Variants in AFDN observed in about 807,000 individuals in gnomAD.
The protein encoded by AFDN is afadin.
Under a neutral mutation model 216.6 loss-of-function variants are expected in AFDN, and 68 were observed. That is an observed-to-expected ratio of 0.31 (90% CI 0.26 to 0.38). AFDN has a LOEUF of 0.38. Among genes scored for constraint, AFDN ranks in the 10% least tolerant of loss-of-function variants. AFDN has a pLI of 1.00. For synonymous variants in AFDN, 868 were observed against 853.7 expected, an observed-to-expected ratio of 1.02 and a Z score of -0.29; for missense variants, 2,136 against 2,342.0, an observed-to-expected ratio of 0.91 and a Z score of 1.82.
intron 2 of AFDN, among the ~76,000 whole-genome samples, chr6:167,869,130 A>T (rs1364718988): frequency 2.0e-5 from 3 of 151,748 alleles, no homozygotes; most frequent in Non-Finnish European, 4.4e-5. Flanking sequence ...GTGACAGGGC[A>T]CTGTCATATG....
chr6:167,844,317 C>T (rs1003820666), intron 1 of AFDN, among the ~76,000 whole-genome samples: 1 of 151,882 alleles, frequency 6.6e-6, no homozygotes, highest in Admixed American at 6.6e-5. Context: ...TACAGGAATG[C>T]ACCATTGTAG....
At position 167,971,017 on chromosome 6, in the gene AFDN, G is replaced by T. The variant is rs537880963; in HGVS notation, c.*1082G>T. On this transcript the variant is annotated 3_prime_UTR_variant, in exon 34 of 34. Coordinates refer to ENST00000683244, the MANE Select transcript of AFDN (RefSeq NM_001386888.1). ...TAATAGAGTTATTTAATTTTAATTT[G>T]TTGAATTATTAGTTACCACTGTCAT... 4.6e-6 allele frequency: 1 copy of T among 217,020 alleles called. No individual in the cohort carries two copies. Among genetic ancestry groups the T allele is most frequent in the East Asian group, 6.8e-5 (1 of 14,616 alleles). 13.4% of individuals were successfully genotyped at this position (217,020 alleles called of 1,614,324 possible).
intron 1 of AFDN, among the ~76,000 whole-genome samples, chr6:167,843,615 C>T (rs983958195): frequency 6.6e-6 from 1 of 152,210 alleles, no homozygotes; most frequent in Non-Finnish European, 1.5e-5. Context: ...TACACAAACT[C>T]AGCACAGTAA....
intron 32 of AFDN, 97 bp from the exon 33 acceptor site, chr6:167,969,017 A>C: frequency 2.1e-6 from 2 of 930,382 alleles, no homozygotes; most frequent in Non-Finnish European, 3.5e-6. Context: ...TACTCAGTAA[A>C]GGTATTTTTG....
At chr6:167,873,990 A>G (rs1785063204) in intron 4 of AFDN, among the ~76,000 whole-genome samples, 1 of 152,240 alleles carries the variant, frequency 6.6e-6, no homozygotes, top group Admixed American at 6.5e-5. Context: ...TAATCACTTG[A>G]GTCTAGTATT....
At chr6:167,966,378 C>A in intron 32 of AFDN, 3 of 1,056,120 alleles carry the variant, frequency 2.8e-6, no homozygotes, top group Non-Finnish European at 3.7e-6. Context: ...TCATACTTGC[C>A]TTGGAATTTG....
At chr6:167,831,530 T>G (rs1779832914) in intron 1 of AFDN, among the ~76,000 whole-genome samples, 1 of 152,202 alleles carries the variant, frequency 6.6e-6, no homozygotes, top group Admixed American at 6.5e-5. Context: ...CTAGGCTAGT[T>G]TCAATTTGCT....
In AFDN at chr6:167,870,448, C is replaced by T. The variant is rs1288538468; in HGVS notation, c.364C>T (p.Arg122Trp). The part of the protein sequence containing the change: ...VVQLNWNKDD[R>W]EGRFVLKNEN... ...ACAACTGAATTGGAACAAAGATGAT[C>T]GGGAAGGCAGATTTGTTCTTAAGAA... Residue 122 changes from arginine (R) to tryptophan (W), a missense_variant, in exon 3 of 34, where the codon CGG becomes TGG. By Grantham distance (101) the Arg-to-Trp change is moderately radical (BLOSUM62 -3). Around this residue, in one of 8 missense-constraint regions of AFDN, gnomAD observed 817 missense variants for 965.7 expected, o/e 0.85. Transcript: ENST00000683244. The T allele has an allele frequency of 4.3e-6, 7 of 1,611,928 alleles. No homozygotes were observed. Among genetic ancestry groups the T allele is most frequent in the African/African-American group, 1.3e-5 (1 of 74,788 alleles).
At chr6:167,953,763 C>T (rs1448379893) in intron 30 of AFDN, among the ~76,000 whole-genome samples, 2 of 152,206 alleles carry the variant, frequency 1.3e-5, no homozygotes, top group African/African-American at 4.8e-5. Context: ...GCATGCTCCT[C>T]TGCTCTGGCC....
At chr6:167,939,612 A>G (rs1794437436) in intron 23 of AFDN, among the ~76,000 whole-genome samples, 1 of 152,218 alleles carries the variant, frequency 6.6e-6, no homozygotes, top group African/African-American at 2.4e-5. Flanking sequence ...GCTTAGGACA[A>G]TACAGGCGCT....
intron 5 of AFDN, among the ~76,000 whole-genome samples, 195 bp downstream of exon 5, chr6:167,875,690 A>G (rs1250387459): frequency 2.0e-5 from 3 of 152,008 alleles, no homozygotes; most frequent in African/African-American, 7.3e-5. Flanking sequence ...GGATATGTTT[A>G]GTTTCATACT....
chr6:167,872,893 T>TAACCA (rs1442161030), intron 4 of AFDN, among the ~76,000 whole-genome samples: 1 of 152,198 alleles, frequency 6.6e-6, no homozygotes, highest in Non-Finnish European at 1.5e-5. Context: ...ATTTTAAGTG[T>TAACCA]TTGAGGATCT....
At chr6:167,919,062 G>GGAACACGGAC in intron 21 of AFDN, 129 bp downstream of exon 21, 1 of 749,836 alleles carries the variant, frequency 1.3e-6, no homozygotes, top group Non-Finnish European at 2.2e-6. Flanking sequence ...AGAAGTCCGT[G>GGAACACGGAC]TTCCACTGAC....
At chr6:167,927,180 T>A (rs1219086726) in intron 23 of AFDN, among the ~76,000 whole-genome samples, 1 of 152,130 alleles carries the variant, frequency 6.6e-6, no homozygotes, top group African/African-American at 2.4e-5. Context: ...ATTAAGAAGA[T>A]GAATGGGCGT....
intron 29 of AFDN, among the ~76,000 whole-genome samples, 195 bp downstream of exon 29, chr6:167,948,673 G>T (rs1795619984): frequency 6.6e-6 from 1 of 152,200 alleles, no homozygotes; most frequent in Non-Finnish European, 1.5e-5. Context: ...TCTGTTCTCT[G>T]ATGTTTGATT....
At chr6:167,925,582 G>GCTTA in intron 23 of AFDN, among the ~76,000 whole-genome samples, 1 of 152,120 alleles carries the variant, frequency 6.6e-6, no homozygotes, top group Non-Finnish European at 1.5e-5. Context: ...CTGGTGTGGA[G>GCTTA]CTTAGGAAAT....
rs1366219263 is a variant in AFDN, at chr6:167,874,610, A to C, written c.579-725A>C. ...TTTGGGCTTTTCAAAATTTGCTATA[A>C]TTTTTTTTTTTTTTTTTTTTTTGAG... On this transcript the variant is annotated intron_variant, in intron 4 of 33. Coordinates refer to ENST00000683244, the MANE Select transcript of AFDN (RefSeq NM_001386888.1). Among the ~76,000 whole-genome samples, 3 of 113,264 alleles carry C rather than the reference A, an allele frequency of 2.6e-5. No homozygotes were observed. In the South Asian group the frequency reaches 9.1e-4, roughly 34 times the overall value. The allele number at this position is 113,264 out of a possible 152,430, so 74.3% of individuals were successfully genotyped here. A position where few individuals can be genotyped will look rare whatever the true frequency, so the allele number is the denominator to read the frequency against.
chr6:167,887,205 G>A (rs1408211656), intron 6 of AFDN, among the ~76,000 whole-genome samples: 2 of 151,764 alleles, frequency 1.3e-5, no homozygotes, highest in African/African-American at 4.9e-5. Context: ...GATTTTTACT[G>A]ATGAAAATGA....
chr6:167,913,480 C>T, intron 16 of AFDN, 57 bp downstream of exon 16: 2 of 1,477,318 alleles, frequency 1.4e-6, no homozygotes, highest in South Asian at 2.4e-5. Flanking sequence ...GTTTCTCATG[C>T]TGCTCCCATG....
Sources: gnomAD v4.1 joint callset for allele counts (sites outside exome capture counted in the v4.1 genomes callset) on GRCh38, gnomAD v4.1.1 for gene constraint, gnomAD v4.1.1 regional missense constraint, MANE v1.5 for transcripts, NCBI Gene and HGNC (gene_info 2026-07-23, HGNC 2026-07-21) for gene names.